Variants in SPOCK1 observed in about 807,000 individuals in gnomAD.
SPOCK1 encodes SPARC (osteonectin), cwcv and kazal like domains proteoglycan 1, also known as testican-1.
In SPOCK1, 23 loss-of-function variants were observed where a neutral mutation model predicts 55.3. The ratio of observed to expected loss-of-function variants is 0.42; its 90% CI spans 0.30 to 0.59. The LOEUF is 0.59. Among genes scored for constraint, SPOCK1 ranks in the 20% least tolerant of loss-of-function variants. The pLI is 0.22. For synonymous variants in SPOCK1, 226 were observed against 221.0 expected, an observed-to-expected ratio of 1.02 and a Z score of -0.20; for missense variants, 499 against 552.5, an observed-to-expected ratio of 0.90 and a Z score of 0.97.
intron 6 of SPOCK1, among the ~76,000 whole-genome samples, chr5:137,019,067 T>A (rs1420214739): frequency 6.6e-6 from 1 of 152,184 alleles, no homozygotes; most frequent in Non-Finnish European, 1.5e-5. Flanking sequence ...TACTATAGTA[T>A]GCTTACAAAA....
Position 137,112,420 on chromosome 5 carries a change from G to A in SPOCK1, c.474+15C>T. On this transcript the variant is annotated intron_variant, in intron 5 of 10. Transcript: ENST00000394945. ...TGAAGTATTTTTGATAACATAAAAAGACAAGAAAACCAACCTTGGATGTGT... is the reference window on the plus strand; with the variant it reads ...TGAAGTATTTTTGATAACATAAAAAAACAAGAAAACCAACCTTGGATGTGT... 6.2e-7 allele frequency: 1 copy of A among 1,608,508 alleles called. No homozygotes were observed. The highest frequency in any genetic ancestry group is 8.5e-7 in the Non-Finnish European group (1 of 1,178,628).
Position 137,354,671 on chromosome 5 carries a change from T to C in SPOCK1, c.187-87616A>G, listed in dbSNP as rs139450896. ...AAGTTTAGGAGCAAGGGCCCGGCCA[T>C]CAACTGCAGGTGTCAGGTACTTTGT... On this transcript the variant is annotated intron_variant, in intron 2 of 10. Coordinates refer to ENST00000394945, the MANE Select transcript of SPOCK1 (RefSeq NM_004598.4). Among the ~76,000 whole-genome samples, 737 of 152,278 alleles carry C rather than the reference T, an allele frequency of 4.8e-3. 11 individuals carry two copies. Among genetic ancestry groups the C allele is most frequent in the African/African-American group, 0.017 (710 of 41,536 alleles).
chr5:137,498,579 G>C (rs558834795), intron 1 of SPOCK1, 21 bp from the exon 2 acceptor site: 9 of 1,415,250 alleles, frequency 6.4e-6, no homozygotes, highest in African/African-American at 3.0e-5. Context: ...GGGCGCGCAG[G>C]GCGATGAGCG....
intron 3 of SPOCK1, among the ~76,000 whole-genome samples, chr5:137,184,661 C>T (rs1755032937): frequency 6.6e-6 from 1 of 152,168 alleles, no homozygotes; most frequent in Admixed American, 6.5e-5. Context: ...CACATCACAA[C>T]CCAGCTCAAG....
chr5:137,112,205 A>G (rs540058540), intron 5 of SPOCK1, among the ~76,000 whole-genome samples: 1 of 152,206 alleles, frequency 6.6e-6, no homozygotes, highest in East Asian at 1.9e-4. Flanking sequence ...CATTCTCAGA[A>G]CCATCCCTTC....
At chr5:137,440,393 T>C (rs967524918) in intron 2 of SPOCK1, among the ~76,000 whole-genome samples, 2 of 151,986 alleles carry the variant, frequency 1.3e-5, no homozygotes, top group Non-Finnish European at 2.9e-5. Flanking sequence ...AAGAATGTAA[T>C]GGTAGGGAAG....
At chr5:137,258,373 C>T (rs1421559894) in intron 3 of SPOCK1, among the ~76,000 whole-genome samples, 1 of 152,166 alleles carries the variant, frequency 6.6e-6, no homozygotes, top group Non-Finnish European at 1.5e-5. Context: ...CTACACAGTA[C>T]AATTGAGGAG....
chr5:137,484,606 G>A (rs192491563), intron 2 of SPOCK1, among the ~76,000 whole-genome samples: 2 of 152,310 alleles, frequency 1.3e-5, no homozygotes, highest in South Asian at 2.1e-4. Context: ...AGTTCCAAGG[G>A]TAGAATCAGT....
intron 4 of SPOCK1, 116 bp downstream of exon 4, chr5:137,140,464 C>T (rs978903008): frequency 2.3e-5 from 17 of 748,490 alleles, no homozygotes; most frequent in African/African-American, 5.4e-5. Flanking sequence ...ATACAAATGG[C>T]GACCCTAACA....
At chr5:137,279,213 A>C (rs1016386388) in intron 2 of SPOCK1, among the ~76,000 whole-genome samples, 2 of 152,230 alleles carry the variant, frequency 1.3e-5, no homozygotes, top group Middle Eastern at 3.2e-3. Flanking sequence ...ATGGAGCCCA[A>C]CTGAAACCAA....
intron 1 of SPOCK1, 128 bp from the exon 2 acceptor site, chr5:137,498,686 A>G (rs1426180408): frequency 4.2e-6 from 3 of 716,562 alleles, no homozygotes; most frequent in Non-Finnish European, 3.6e-6. Flanking sequence ...GCGCTCGCGC[A>G]CCTGGGGCGC....
At chr5:137,322,658 C>T (rs1266504001) in intron 2 of SPOCK1, among the ~76,000 whole-genome samples, 5 of 151,252 alleles carry the variant, frequency 3.3e-5, no homozygotes, top group African/African-American at 1.2e-4. Flanking sequence ...CACAAAAAAC[C>T]TACATAAGAT....
At chr5:137,417,786 A>G (rs1370113857) in intron 2 of SPOCK1, among the ~76,000 whole-genome samples, 1 of 151,830 alleles carries the variant, frequency 6.6e-6, no homozygotes, top group Non-Finnish European at 1.5e-5. Flanking sequence ...TTTTATCTTT[A>G]TTAGTCAGTT....
intron 3 of SPOCK1, among the ~76,000 whole-genome samples, chr5:137,202,937 T>C (rs766914658): frequency 6.6e-6 from 1 of 152,228 alleles, no homozygotes; most frequent in African/African-American, 2.4e-5. Flanking sequence ...TTCACGTCCT[T>C]GTTGCATTCT....
intron 2 of SPOCK1, among the ~76,000 whole-genome samples, chr5:137,422,640 T>G (rs1443512432): frequency 6.6e-6 from 1 of 152,204 alleles, no homozygotes; most frequent in East Asian, 1.9e-4. Context: ...CTCCATCAGG[T>G]CCTTTAAGGA....
intron 6 of SPOCK1, among the ~76,000 whole-genome samples, chr5:137,018,913 A>G (rs973475277): frequency 1.3e-5 from 2 of 152,242 alleles, no homozygotes; most frequent in Non-Finnish European, 2.9e-5. Context: ...TAGCAAGACC[A>G]TTAAGAATGT....
At chr5:137,079,020 C>T (rs1752826895) in intron 5 of SPOCK1, among the ~76,000 whole-genome samples, 1 of 152,230 alleles carries the variant, frequency 6.6e-6, no homozygotes. Flanking sequence ...ACCCAGCTTG[C>T]AGACCACGCT....
At chr5:137,052,307 C>T (rs778060208) in intron 6 of SPOCK1, among the ~76,000 whole-genome samples, 4 of 152,218 alleles carry the variant, frequency 2.6e-5, no homozygotes, top group Non-Finnish European at 5.9e-5. Context: ...GAGTGTCAGT[C>T]ACCTACCGTT....
chr5:137,472,550 G>T (rs1337479437), intron 2 of SPOCK1, among the ~76,000 whole-genome samples: 2 of 152,136 alleles, frequency 1.3e-5, no homozygotes, highest in Admixed American at 6.5e-5. Flanking sequence ...GTGTAATTTG[G>T]CAACATTCAT....
Sources: allele counts gnomAD v4.1 joint callset (sites outside exome capture counted in the v4.1 genomes callset), GRCh38; gene constraint gnomAD v4.1.1; transcripts MANE v1.5; gene names NCBI Gene and HGNC (gene_info 2026-07-23, HGNC 2026-07-21).